The following SAXO1 variants were observed in gnomAD, a reference collection of about 807,000 sequenced individuals.
SAXO1 encodes the protein stabilizer of axonemal microtubules 1.
SAXO1 carries 21 observed loss-of-function variants against 17.5 expected under a neutral mutation model. The observed-to-expected ratio is 1.20, with a 90% CI of 0.85 to 1.72. The LOEUF (loss-of-function observed/expected upper bound fraction) is 1.72, where lower values mean the gene tolerates loss of function less well. SAXO1 is among the 40% of genes most tolerant of loss of function. SAXO1 has a pLI of 0.00. For missense variants in SAXO1, 843 were observed against 596.0 expected (o/e 1.41, Z -4.32); for synonymous variants, 274 against 216.5 (o/e 1.27, Z -2.33).
chr9:19,027,748 G>C, intron 1 of SAXO1: 3 of 1,481,176 alleles, frequency 2.0e-6, no homozygotes, highest in South Asian at 2.4e-5. Flanking sequence ...GGGACCGAGA[G>C]GTGCAGAGGA....
rs139496760 is a variant in SAXO1, at chr9:18,944,890, A to G, written c.219-3051T>C. 4.3e-3 allele frequency among the ~76,000 whole-genome samples: 655 copies of G among 152,296 alleles called. 20 individuals are homozygous for G. The highest frequency in any genetic ancestry group is 0.039 in the Admixed American group (594 of 15,296). The stretch of plus-strand genomic sequence containing the variant: ...TTAATGTTTATTTATGCAAACTTGA[A>G]GATATATTAGTGTGTCCAAGTAATC... On this transcript the variant is annotated intron_variant, in intron 2 of 3. Transcript: ENST00000380534.
chr9:18,969,112 G>C (rs148530943), intron 1 of SAXO1, among the ~76,000 whole-genome samples: 73 of 152,112 alleles, frequency 4.8e-4, no homozygotes, highest in Middle Eastern at 6.8e-3. Context: ...TAAGCAGTGG[G>C]GCCTACATGA....
chr9:19,023,392 G>A (rs1835331107), intron 1 of SAXO1, among the ~76,000 whole-genome samples: 1 of 152,092 alleles, frequency 6.6e-6, no homozygotes, highest in Non-Finnish European at 1.5e-5. Context: ...TGTTCTACTT[G>A]CTTAATACTG....
At chr9:18,947,928 C>T (rs1237258353) in intron 2 of SAXO1, among the ~76,000 whole-genome samples, 1 of 152,136 alleles carries the variant, frequency 6.6e-6, no homozygotes, top group African/African-American at 2.4e-5. Context: ...GCTTAATCAC[C>T]AAACCCAGCA....
chr9:19,027,898 G>A (rs1835569630), intron 1 of SAXO1: 1 of 1,375,334 alleles, frequency 7.3e-7, no homozygotes. Flanking sequence ...TCGAGTGCCT[G>A]GGCCAGAATC....
At chr9:18,936,969 G>A (rs754726799) in intron 3 of SAXO1, among the ~76,000 whole-genome samples, 4 of 152,218 alleles carry the variant, frequency 2.6e-5, no homozygotes, top group Non-Finnish European at 5.9e-5. Context: ...TGTAAGCAGA[G>A]CATATAGACA....
chr9:19,034,000 TG>T (rs1835869611), upstream of SAXO1, among the ~76,000 whole-genome samples: 1 of 152,178 alleles, frequency 6.6e-6, no homozygotes. Flanking sequence ...AAGTCTCCCT[TG>T]CATCAAAACC....
At chr9:18,999,035 A>C (rs1834134154) in intron 1 of SAXO1, among the ~76,000 whole-genome samples, 2 of 152,260 alleles carry the variant, frequency 1.3e-5, no homozygotes, top group Non-Finnish European at 2.9e-5. Flanking sequence ...TGCTATGAAG[A>C]AACTGCATCA....
chr9:19,013,540 ATTTT>A (rs1219136885), intron 1 of SAXO1, among the ~76,000 whole-genome samples: 1 of 93,200 alleles, frequency 1.1e-5, no homozygotes, highest in Admixed American at 1.6e-4. Flanking sequence ...AAAAGTACGG[ATTTT>A]TTTTTTTTTT....
chr9:19,036,196 T>G (rs1298070814), upstream of SAXO1, among the ~76,000 whole-genome samples: 1 of 148,814 alleles, frequency 6.7e-6, no homozygotes, highest in East Asian at 2.0e-4. Context: ...ATGGCACATG[T>G]ATACCCATGT....
chr9:19,036,181 C>T (rs571121204), upstream of SAXO1, among the ~76,000 whole-genome samples: 150 of 148,860 alleles, frequency 1.0e-3, no homozygotes, highest in African/African-American at 3.4e-3. Flanking sequence ...GTGCAGCAAA[C>T]GACCATGGCA....
At chr9:19,040,630 T>C (rs954270498) in intron 1 of SAXO1, among the ~76,000 whole-genome samples, 3 of 149,676 alleles carry the variant, frequency 2.0e-5, no homozygotes, top group Admixed American at 2.0e-4. Context: ...GGCAACAGAG[T>C]GAGATTCTTT....
At chr9:18,936,394 C>T (rs531903799) in intron 3 of SAXO1, among the ~76,000 whole-genome samples, 45 of 152,180 alleles carry the variant, frequency 3.0e-4, no homozygotes, top group Non-Finnish European at 5.3e-4. Flanking sequence ...CTTGCTGAAA[C>T]GGAGGCATCT....
At chr9:19,041,346 A>G (rs933614257) in intron 1 of SAXO1, among the ~76,000 whole-genome samples, 4 of 152,166 alleles carry the variant, frequency 2.6e-5, no homozygotes, top group Admixed American at 6.6e-5. Context: ...GGAAAAATCA[A>G]TTTTGTTAAA....
At position 19,021,746 on chromosome 9, in the gene SAXO1, G is replaced by A. The variant is rs374767778; in HGVS notation, c.38+11125C>T. Among the ~76,000 whole-genome samples, 11 of 152,332 alleles carry A rather than the reference G, an allele frequency of 7.2e-5. No homozygotes were observed. The East Asian group carries it at 7.7e-4, about 11-fold the overall frequency. ...AACTTTTGTGTCTAGCTAAAGGATT[G>A]CAAATGCACCAATCAGCACTCTGTA... On this transcript the variant is annotated intron_variant, in intron 1 of 3. Coordinates refer to ENST00000380534, the MANE Select transcript of SAXO1 (RefSeq NM_153707.4).
At chr9:18,953,682 G>A (rs902020743) in intron 1 of SAXO1, among the ~76,000 whole-genome samples, 2 of 152,284 alleles carry the variant, frequency 1.3e-5, no homozygotes, top group South Asian at 2.1e-4. Flanking sequence ...TCTCATTGGT[G>A]ATCAACCCAA....
intron 1 of SAXO1, among the ~76,000 whole-genome samples, chr9:18,998,006 G>C (rs7028858): frequency 1.3e-5 from 2 of 151,966 alleles, no homozygotes; most frequent in Non-Finnish European, 2.9e-5. Flanking sequence ...CTCTAACATG[G>C]AGAGAAACCA....
chr9:19,007,848 T>C (rs934797172), intron 1 of SAXO1, among the ~76,000 whole-genome samples: 1 of 152,244 alleles, frequency 6.6e-6, no homozygotes, highest in Admixed American at 6.5e-5. Context: ...TTAAGTTTCA[T>C]TGGAACACAG....
intron 1 of SAXO1, among the ~76,000 whole-genome samples, chr9:19,005,812 T>C (rs1051501763): frequency 1.3e-5 from 2 of 152,126 alleles, no homozygotes; most frequent in African/African-American, 2.4e-5. Context: ...AACAACGCTA[T>C]CAAGACAGTG....
Sources: allele counts gnomAD v4.1 joint callset (sites outside exome capture counted in the v4.1 genomes callset), GRCh38; gene constraint gnomAD v4.1.1; transcripts MANE v1.5; gene names NCBI Gene and HGNC (gene_info 2026-07-23, HGNC 2026-07-21).